Variants in IFT140 observed in about 807,000 individuals in gnomAD.
The protein encoded by IFT140 is intraflagellar transport protein 140 homolog.
A neutral mutation model predicts 164.6 loss-of-function variants in IFT140; 133 were observed. The ratio of observed to expected loss-of-function variants is 0.81; its 90% CI spans 0.70 to 0.93. IFT140 has a LOEUF of 0.93. Among genes scored for constraint, IFT140 ranks in the 40% least tolerant of loss-of-function variants. IFT140 has a pLI of 0.00. For synonymous variants in IFT140, 860 were observed against 817.3 expected, an observed-to-expected ratio of 1.05 and a Z score of -0.89; for missense variants, 2,045 against 1,972.3, an observed-to-expected ratio of 1.04 and a Z score of -0.70.
chr16:1,541,999 G>A lies in IFT140; in HGVS notation c.2400-15203C>T. 1.9e-6 allele frequency: 3 copies of A among 1,611,328 alleles called. No individual in the cohort carries two copies. The highest frequency in any genetic ancestry group is 2.5e-6 in the Non-Finnish European group (3 of 1,179,648). ...GCAGGCCAGCTCACCTTCCTCCTGG[G>A]GCTGGTGGGCCTGCCCCTGCTGTCA... On this transcript the variant is annotated intron_variant, in intron 19 of 30. Coordinates refer to ENST00000426508, the MANE Select transcript of IFT140 (RefSeq NM_014714.4).
At chr16:1,562,212 G>C in intron 17 of IFT140, 96 bp from the exon 18 acceptor site, 1 of 1,122,322 alleles carries the variant, frequency 8.9e-7, no homozygotes. Flanking sequence ...CTGCGTCACG[G>C]TGGGGTCGTT....
intron 19 of IFT140, among the ~76,000 whole-genome samples, chr16:1,529,979 C>T (rs1486835364): frequency 2.6e-5 from 4 of 151,764 alleles, no homozygotes; most frequent in South Asian, 2.1e-4. Flanking sequence ...AGGGATGCCA[C>T]GGCTCCTCAC....
chr16:1,602,309 T>A, intron 4 of IFT140, 61 bp downstream of exon 4: 1 of 1,429,252 alleles, frequency 7.0e-7, no homozygotes, highest in South Asian at 1.2e-5. Flanking sequence ...TCTTTCATAC[T>A]CTCGAGCATG....
At position 1,587,975 on chromosome 16, in the gene IFT140, T is replaced by A. The variant is rs1455497017; in HGVS notation, c.860A>T (p.Glu287Val). 6.2e-7 allele frequency: 1 copy of A among 1,613,806 alleles called. No individual in the cohort carries two copies. The highest frequency in any genetic ancestry group is 1.3e-5 in the African/African-American group (1 of 75,042). The change falls in exon 8 of 31, where the codon GAA becomes GTA. Residue 287 changes from glutamate (E) to valine (V), a missense_variant. Physicochemically the swap from Glu to Val is moderately radical, Grantham distance 121. Coordinates refer to ENST00000426508, the MANE Select transcript of IFT140 (RefSeq NM_014714.4). ...GACGGCCATCACGAGAAGGCTGCCT[T>A]CAATCAAAGCGATGTCTGCCCGGCG... is the stretch of plus-strand genomic sequence containing the variant. Reference protein sequence around the residue: ...TGRRADIALIEGSLLVMAVGE... With the variant: ...TGRRADIALIVGSLLVMAVGE...
At chr16:1,521,541 A>T (rs1345153362) in intron 26 of IFT140, among the ~76,000 whole-genome samples, 2 of 151,938 alleles carry the variant, frequency 1.3e-5, no homozygotes, top group East Asian at 2.0e-4. Context: ...GGCGCCCGCC[A>T]CCATGCCCGG....
rs933373834 is a variant in IFT140 at position 1,539,113 on chromosome 16, C to T, written c.2400-12317G>A. The stretch of plus-strand genomic sequence containing the variant: ...GATGGCCCCCCACCTCAGGCCTCAG[C>T]AAGCTGCAGAGTGCCAGACGGCCCC... On this transcript the variant is annotated intron_variant, in intron 19 of 30. Coordinates refer to ENST00000426508, the MANE Select transcript of IFT140 (RefSeq NM_014714.4). Among the ~76,000 whole-genome samples the T allele has an allele frequency of 2.0e-5, 3 of 149,972 alleles. No homozygotes were observed. The South Asian group carries it at 6.4e-4, about 32-fold the overall frequency.
Position 1,587,316 on chromosome 16 carries a change from G to A in IFT140, c.903-12C>T, listed in dbSNP as rs1485587318. 1 of 1,568,360 alleles carries A rather than the reference G, an allele frequency of 6.4e-7. No homozygotes were observed. Among genetic ancestry groups the A allele is most frequent in the Non-Finnish European group, 8.8e-7 (1 of 1,138,774 alleles). On this transcript the variant is annotated splice_polypyrimidine_tract_variant and intron_variant, in intron 8 of 30. Transcript: ENST00000426508. Reference sequence around the variant, plus strand: ...CTATGTCCCAGAATCTACAACAGAAGAAAGCAAGCCCCATGGAGGGCCTGT... The same window carrying A: ...CTATGTCCCAGAATCTACAACAGAAAAAAGCAAGCCCCATGGAGGGCCTGT...
intron 19 of IFT140, chr16:1,555,456 T>C (rs1335567250): frequency 1.1e-5 from 2 of 183,488 alleles, no homozygotes; most frequent in East Asian, 3.1e-4. Context: ...ATCCACAATA[T>C]TCCTTGAGTG....
At chr16:1,579,115 T>A (rs892035509) in intron 13 of IFT140, 3 of 152,190 alleles carry the variant, frequency 2.0e-5, no homozygotes, top group African/African-American at 7.2e-5. Flanking sequence ...CATATGTATA[T>A]GTTGTATGTA....
In IFT140 at chr16:1,587,978, A is replaced by G. The variant is rs2034978615; in HGVS notation, c.857T>C (p.Ile286Thr). 3 of 1,613,738 alleles carry G rather than the reference A, an allele frequency of 1.9e-6. No individual in the cohort carries two copies. The highest frequency in any genetic ancestry group is 2.5e-6 in the Non-Finnish European group (3 of 1,179,904). Residue 286 changes from isoleucine to threonine, a missense_variant, in exon 8 of 31, where the codon ATT becomes ACT. By Grantham distance (89) the Ile-to-Thr change is moderately conservative. Coordinates refer to ENST00000426508, the MANE Select transcript of IFT140 (RefSeq NM_014714.4). ...GGCCATCACGAGAAGGCTGCCTTCA[A>G]TCAAAGCGATGTCTGCCCGGCGGCC... is the stretch of plus-strand genomic sequence containing the variant. ...KTGRRADIAL[I>T]EGSLLVMAVG...
At chr16:1,550,630 G>A (rs569882462) in intron 19 of IFT140, among the ~76,000 whole-genome samples, 12 of 152,176 alleles carry the variant, frequency 7.9e-5, no homozygotes, top group African/African-American at 2.2e-4. Flanking sequence ...GCAGGAGGCC[G>A]GGCTCAGTTC....
intron 21 of IFT140, 134 bp from the exon 22 acceptor site, chr16:1,525,460 C>T: frequency 1.4e-6 from 1 of 706,044 alleles, no homozygotes; most frequent in Non-Finnish European, 2.5e-6. Flanking sequence ...GCCTGCAGCT[C>T]TGCAGACCCT....
intron 4 of IFT140, among the ~76,000 whole-genome samples, 200 bp from the exon 5 acceptor site, chr16:1,592,788 C>T: frequency 7.2e-6 from 1 of 139,014 alleles, no homozygotes. Flanking sequence ...CAGGTGAACA[C>T]CAGCCACACG....
chr16:1,556,160 T>A (rs2033066088), intron 19 of IFT140, among the ~76,000 whole-genome samples: 2 of 152,348 alleles, frequency 1.3e-5, no homozygotes, highest in East Asian at 3.9e-4. Context: ...AAATGCTTGG[T>A]GGGCTACAAA....
chr16:1,611,316 G>C (rs187775981), intron 1 of IFT140, among the ~76,000 whole-genome samples: 5 of 152,194 alleles, frequency 3.3e-5, no homozygotes, highest in Admixed American at 1.3e-4. Flanking sequence ...ACCAGCCTTG[G>C]CAACAAGGCG....
chr16:1,541,509 G>A lies in IFT140; in HGVS notation c.2400-14713C>T, dbSNP rs193174610. On this transcript the variant is annotated intron_variant, in intron 19 of 30. Coordinates refer to ENST00000426508, the MANE Select transcript of IFT140 (RefSeq NM_014714.4). ...GAGTCTCCGGTCAGGCAGCGCCCTC[G>A]TCTTGGATGCTGTGAATTCAGTGAC... 2.5e-3 allele frequency: 2,501 copies of A among 985,364 alleles called. 5 individuals carry two copies. The highest frequency in any genetic ancestry group is 2.9e-3 in the Non-Finnish European group (2,393 of 829,864). The allele number at this position is 985,364 out of a possible 1,614,324, so 61.0% of individuals were successfully genotyped here. A position where few individuals can be genotyped will look rare whatever the true frequency, so the allele number is the denominator to read the frequency against.
rs1418166029 is a variant in IFT140, at chr16:1,524,541, G to A, written c.3141+11C>T. On this transcript the variant is annotated intron_variant, in intron 24 of 30. Transcript: ENST00000426508. ...GAGAAGCGCCGGCTCCCCACCCCGG[G>A]CCCGTGGTACCTTGCACAGGCGGAT... 2 of 1,610,196 alleles carry A rather than the reference G, an allele frequency of 1.2e-6. No homozygotes were observed. The highest frequency in any genetic ancestry group is 1.1e-5 in the South Asian group (1 of 90,790).
intron 22 of IFT140, 52 bp from the exon 23 acceptor site, chr16:1,524,968 G>A (rs1231467722): frequency 3.2e-6 from 5 of 1,569,006 alleles, no homozygotes; most frequent in East Asian, 2.3e-5. Flanking sequence ...GCTCCAACCC[G>A]GGACGGCCCC....
chr16:1,564,290 G>A lies in IFT140; in HGVS notation c.1902-128C>T. On this transcript the variant is annotated intron_variant, in intron 16 of 30. Transcript: ENST00000426508. The surrounding 1 kb of genome is among the most constrained non-coding windows in gnomAD (Gnocchi z 5.5). ...CATGGTGTCCACGCGCTCAGCTCTG[G>A]GAGAACTTTTGGGGTCTCACTGCCA... 1.4e-6 allele frequency: 1 copy of A among 699,562 alleles called. No homozygotes were observed. Among genetic ancestry groups the A allele is most frequent in the Non-Finnish European group, 2.2e-6 (1 of 464,126 alleles). The allele number at this position is 699,562 out of a possible 1,614,324, so 43.3% of individuals were successfully genotyped here. A position where few individuals can be genotyped will look rare whatever the true frequency, so the allele number is the denominator to read the frequency against.
Sources: gnomAD v4.1 joint callset for allele counts (sites outside exome capture counted in the v4.1 genomes callset) on GRCh38, gnomAD v4.1.1 for gene constraint, Gnocchi (gnomAD v3.1) non-coding constraint, MANE v1.5 for transcripts, NCBI Gene and HGNC (gene_info 2026-07-23, HGNC 2026-07-21) for gene names.